Variants in GORAB observed in about 807,000 individuals in gnomAD.
The protein encoded by GORAB is golgin, RAB6 interacting.
In GORAB, 17 loss-of-function variants were observed where a neutral mutation model predicts 29.9. That is an observed-to-expected ratio of 0.57 (90% CI 0.39 to 0.85). The LOEUF is 0.85. Ranked by LOEUF, GORAB falls within the 40% of genes least tolerant of loss-of-function variation. The probability of loss-of-function intolerance (pLI) is 0.00; values close to 1 mark genes in which losing one functional copy is unlikely to be tolerated. For synonymous variants in GORAB, 183 were observed against 157.2 expected (o/e 1.16, Z -1.23); for missense variants, 442 against 437.8 (o/e 1.01, Z -0.09).
intron 2 of GORAB, among the ~76,000 whole-genome samples, chr1:170,541,185 C>CA (rs1233125656): frequency 1.0e-5 from 1 of 95,840 alleles, no homozygotes; most frequent in African/African-American, 4.2e-5. Context: ...GCCTGGGCAA[C>CA]AGAGCAAGAT....
chr1:170,551,484 C>G (rs1342649777), intron 4 of GORAB, among the ~76,000 whole-genome samples: 1 of 152,148 alleles, frequency 6.6e-6, no homozygotes, highest in Admixed American at 6.6e-5. Flanking sequence ...ATTTATTAAT[C>G]AAGAGAACAA....
chr1:170,533,678 A>G (rs747541769), intron 1 of GORAB: 5 of 399,912 alleles, frequency 1.3e-5, no homozygotes, highest in Non-Finnish European at 2.1e-5. Context: ...ATAAAAATCT[A>G]AATTAAACAA....
intron 2 of GORAB, among the ~76,000 whole-genome samples, chr1:170,540,628 AGT>A (rs1649357744): frequency 6.6e-6 from 1 of 152,234 alleles, no homozygotes; most frequent in Non-Finnish European, 1.5e-5. Flanking sequence ...AGTGTCTCTA[AGT>A]GTAGTTTACT....
rs768828994 is a variant in GORAB at position 170,544,833 on chromosome 1, A to G, written c.650A>G (p.Tyr217Cys). The G allele has an allele frequency of 1.2e-6, 2 of 1,610,470 alleles. No individual in the cohort carries two copies. Among genetic ancestry groups the G allele is most frequent in the Admixed American group, 3.3e-5 (2 of 59,980 alleles). Residue 217 changes from tyrosine to cysteine, a missense_variant, in exon 4 of 5, where the codon TAT becomes TGT. Physicochemically the swap from Tyr to Cys is radical, Grantham distance 194. Transcript: ENST00000367763. ...CGGATTGATCAGGCCAGCTTAGACT[A>G]TTCATACGCTCGGTGAGTTGGGGAA... ...RNRIDQASLD[Y>C]SYARKRFDRA...
chr1:170,535,882 A>G lies in GORAB; in HGVS notation c.62-3328A>G, dbSNP rs376236353. 5.3e-5 allele frequency among the ~76,000 whole-genome samples: 8 copies of G among 151,928 alleles called. No individual in the cohort carries two copies. In the East Asian group the frequency reaches 1.4e-3, roughly 26 times the overall value. ...AATTTTAATGTATTCAAATATGTCAACCTTTTTTTAATAGCCAACATTTCC... is the reference window on the plus strand; with the variant it reads ...AATTTTAATGTATTCAAATATGTCAGCCTTTTTTTAATAGCCAACATTTCC... On this transcript the variant is annotated intron_variant, in intron 1 of 4. Transcript: ENST00000367763.
chr1:170,544,743 G>A lies in GORAB; in HGVS notation c.560G>A (p.Arg187Gln), dbSNP rs190557815. ...CAGGCAGAGACCATGAAACTAAAGC[G>A]GATCCAGAAGGAGTTGCAGGCTTTA... is the stretch of plus-strand genomic sequence containing the variant. Reference protein sequence around the residue: ...RTQAETMKLKRIQKELQALDD... With the variant: ...RTQAETMKLKQIQKELQALDD... Residue 187 changes from arginine (R) to glutamine (Q), a missense_variant, in exon 4 of 5, where the codon CGG becomes CAG. By Grantham distance (43) the Arg-to-Gln change is conservative. Transcript: ENST00000367763. The A allele has an allele frequency of 7.9e-5, 128 of 1,613,922 alleles. 1 individual carries two copies. In the South Asian group the frequency reaches 1.2e-3, roughly 15 times the overall value.
chr1:170,532,783 T>G (rs1358372825), intron 1 of GORAB: 1 of 176,686 alleles, frequency 5.7e-6, no homozygotes, highest in African/African-American at 2.4e-5. Flanking sequence ...TTGCATTCAC[T>G]TCTGGTTGCC....
intron 4 of GORAB, chr1:170,545,244 G>C (rs187407323): frequency 1.0e-6 from 1 of 994,468 alleles, no homozygotes; most frequent in African/African-American, 1.7e-5. Flanking sequence ...TTTGATATCT[G>C]ATATAGTCCT....
intron 4 of GORAB, chr1:170,545,582 A>G (rs1649709110): frequency 3.0e-6 from 3 of 985,206 alleles, no homozygotes; most frequent in Non-Finnish European, 1.2e-6. Context: ...CCCTTTCAAC[A>G]TTGCTTTAAT....
chr1:170,550,466 C>G (rs141875451), intron 4 of GORAB, among the ~76,000 whole-genome samples: 14 of 152,326 alleles, frequency 9.2e-5, no homozygotes, highest in Non-Finnish European at 1.9e-4. Context: ...GATGACATGA[C>G]TATGAAATTG....
Position 170,552,197 on chromosome 1 carries a change from C to T in GORAB, c.845C>T (p.Thr282Ile), listed in dbSNP as rs2101834452. Residue 282 changes from threonine (T) to isoleucine (I), a missense_variant, in exon 5 of 5, where the codon ACT becomes ATT. Physicochemically the swap from Thr to Ile is moderately conservative, Grantham distance 89 (BLOSUM62 -1). Coordinates refer to ENST00000367763, the MANE Select transcript of GORAB (RefSeq NM_152281.3). ...CTAGATGTAGAAGCCGATGAAGAGA[C>T]TTTGGAGCTTGAGGTGGAGGTCGAG... ...QQLDVEADEE[T>I]LELEVEVERL... is the part of the protein sequence containing the mutation. The T allele has an allele frequency of 1.9e-6, 3 of 1,614,026 alleles. No homozygotes were observed. Among genetic ancestry groups the T allele is most frequent in the Non-Finnish European group, 2.5e-6 (3 of 1,179,984 alleles).
Position 170,544,785 on chromosome 1 carries a change from C to G in GORAB, c.602C>G (p.Ala201Gly), listed in dbSNP as rs1199035073. 3 of 1,613,940 alleles carry G rather than the reference C, an allele frequency of 1.9e-6. No individual in the cohort carries two copies. Among genetic ancestry groups the G allele is most frequent in the Non-Finnish European group, 2.5e-6 (3 of 1,179,942 alleles). The change falls in exon 4 of 5, where the codon GCT becomes GGT. Residue 201 changes from alanine to glycine, a missense_variant. By Grantham distance (60) the Ala-to-Gly change is moderately conservative. Coordinates refer to ENST00000367763, the MANE Select transcript of GORAB (RefSeq NM_152281.3). ...CAGGCTTTAGATGACATGGTGTCAG[C>G]TGACATTGGAATTCTCAGGAACCGG... The part of the protein sequence containing the change: ...ELQALDDMVS[A>G]DIGILRNRID...
Position 170,552,171 on chromosome 1 carries a change from A to T in GORAB, c.819A>T (p.Gln273His). Reference protein sequence around the residue: ...KAKKLEELMQQLDVEADEETL... With the variant: ...KAKKLEELMQHLDVEADEETL... ...AGAAGTTGGAGGAGTTGATGCAACA[A>T]CTAGATGTAGAAGCCGATGAAGAGA... The change falls in exon 5 of 5, where the codon CAA becomes CAT. Residue 273 changes from glutamine to histidine, a missense_variant. Coordinates refer to ENST00000367763, the MANE Select transcript of GORAB (RefSeq NM_152281.3). 3 of 1,614,140 alleles carry T rather than the reference A, an allele frequency of 1.9e-6. No individual in the cohort carries two copies. The highest frequency in any genetic ancestry group is 2.5e-6 in the Non-Finnish European group (3 of 1,180,004).
At chr1:170,546,487 T>C (rs1488600120) in intron 4 of GORAB, among the ~76,000 whole-genome samples, 4 of 152,124 alleles carry the variant, frequency 2.6e-5, no homozygotes, top group African/African-American at 9.7e-5. Flanking sequence ...ATAAGAAATG[T>C]CATAGTTTTA....
intron 1 of GORAB, among the ~76,000 whole-genome samples, chr1:170,534,184 C>T (rs996691674): frequency 1.3e-5 from 2 of 152,142 alleles, no homozygotes; most frequent in African/African-American, 4.8e-5. Flanking sequence ...GTGGTATACT[C>T]ATCTAGCGGG....
rs1308488643 is a variant in GORAB, at chr1:170,553,327, C to T, written c.*865C>T. The stretch of plus-strand genomic sequence containing the variant: ...GGACATGAATTACCCTGTCATGAAG[C>T]GTTTAAATTGTTAAAATGCTGATTT... On this transcript the variant is annotated 3_prime_UTR_variant, in exon 5 of 5. Transcript: ENST00000367763. 7 of 452,250 alleles carry T rather than the reference C, an allele frequency of 1.5e-5. No individual in the cohort carries two copies. Among genetic ancestry groups the T allele is most frequent in the Non-Finnish European group, 2.7e-5 (6 of 226,372 alleles). The allele number at this position is 452,250 out of a possible 1,614,324, so 28.0% of individuals were successfully genotyped here.
chr1:170,551,615 T>C (rs183118484), intron 4 of GORAB, among the ~76,000 whole-genome samples: 169 of 152,336 alleles, frequency 1.1e-3, no homozygotes, highest in African/African-American at 4.0e-3. Context: ...CATTCAGTAA[T>C]ATCACGTTGG....
chr1:170,553,515 CTTT>C lies in GORAB; in HGVS notation c.*1062_*1064del. ...AAAGTAAAAATATTACCTTTGAGGA[CTTT>C]TTTTTTTTAAAAAAAGAATTATTAT... On this transcript the variant is annotated 3_prime_UTR_variant, in exon 5 of 5. Transcript: ENST00000367763. The C allele has an allele frequency of 2.7e-6, 1 of 370,252 alleles. No homozygotes were observed. Among genetic ancestry groups the C allele is most frequent in the Non-Finnish European group, 5.3e-6 (1 of 188,056 alleles). The allele number at this position is 370,252 out of a possible 1,614,324, so 22.9% of individuals were successfully genotyped here.
chr1:170,550,339 A>G (rs1268687754), intron 4 of GORAB, among the ~76,000 whole-genome samples: 1 of 152,192 alleles, frequency 6.6e-6, no homozygotes, highest in East Asian at 1.9e-4. Flanking sequence ...GATTGGGTGG[A>G]GTGAATTTGA....
Sources: allele counts gnomAD v4.1 joint callset (sites outside exome capture counted in the v4.1 genomes callset), GRCh38; gene constraint gnomAD v4.1.1; transcripts MANE v1.5; gene names NCBI Gene and HGNC (gene_info 2026-07-23, HGNC 2026-07-21).